HP1BP3: variants seen among roughly 807,000 people sequenced by gnomAD.
HP1BP3 encodes the protein heterochromatin protein 1 binding protein 3, also known as heterochromatin protein 1-binding protein 3.
HP1BP3 carries 12 observed loss-of-function variants against 62.5 expected under a neutral mutation model. The observed-to-expected ratio is 0.19, with a 90% CI of 0.12 to 0.31. HP1BP3 has a LOEUF of 0.31. Among genes scored for constraint, HP1BP3 ranks in the 10% least tolerant of loss-of-function variants. The probability of loss-of-function intolerance (pLI) is 1.00; values close to 1 mark genes in which losing one functional copy is unlikely to be tolerated. For missense variants in HP1BP3, 502 were observed against 651.8 expected (o/e 0.77, Z 2.50); for synonymous variants, 260 against 237.8 (o/e 1.09, Z -0.86).
In HP1BP3 at chr1:20,776,647, A is replaced by C; in HGVS notation, c.300T>G (p.Pro100=). The change falls in exon 4 of 13, where the codon CCT becomes CCG. Residue 100 remains proline (P), a synonymous_variant. Coordinates refer to ENST00000438032, the MANE Select transcript of HP1BP3 (RefSeq NM_001372052.1). ...TATTTTCTTCCTTCTCTTCATTCTC[A>C]GGTTCCCCCTTTGGCTGCTCTGCCT... ...SSEAEQPKGE[P]ENEEKEENKS... 1 of 1,613,694 alleles carries C rather than the reference A, an allele frequency of 6.2e-7. No homozygotes were observed. The highest frequency in any genetic ancestry group is 1.3e-5 in the African/African-American group (1 of 74,992).
chr1:20,758,132 C>T (rs950638039), intron 8 of HP1BP3, among the ~76,000 whole-genome samples: 3 of 151,990 alleles, frequency 2.0e-5, no homozygotes, highest in Admixed American at 1.3e-4. Flanking sequence ...GGCAACGGAG[C>T]AAGACTCTGT....
chr1:20,759,880 ATTT>A (rs71014104), intron 8 of HP1BP3, among the ~76,000 whole-genome samples: 11 of 113,000 alleles, frequency 9.7e-5, no homozygotes, highest in East Asian at 2.5e-4. Flanking sequence ...TTAAAGACCG[ATTT>A]TTTTTTTTTT....
In HP1BP3 at chr1:20,749,890, C is replaced by G. The variant is rs1463810270; in HGVS notation, c.982-8G>C. ...CTCCCCTGATTTCTTCAGCTGTTTT[C>G]CAAGGAGGAAGAGAAAAGCATCAAG... On this transcript the variant is annotated splice_polypyrimidine_tract_variant and splice_region_variant and intron_variant, in intron 9 of 12. Transcript: ENST00000438032. The G allele has an allele frequency of 6.2e-7, 1 of 1,609,774 alleles. No homozygotes were observed. Among genetic ancestry groups the G allele is most frequent in the Admixed American group, 1.7e-5 (1 of 59,600 alleles).
intron 8 of HP1BP3, among the ~76,000 whole-genome samples, chr1:20,764,553 T>C (rs2056666152): frequency 6.6e-6 from 1 of 151,188 alleles, no homozygotes; most frequent in Non-Finnish European, 1.5e-5. Flanking sequence ...GTAGAGTAAC[T>C]CTTTTAATGT....
At chr1:20,749,478 C>A (rs1335332175) in intron 10 of HP1BP3, among the ~76,000 whole-genome samples, 1 of 151,842 alleles carries the variant, frequency 6.6e-6, no homozygotes. Context: ...CCTGCCTCAG[C>A]CTCCCGAGTA....
chr1:20,746,958 G>A (rs541415831), intron 11 of HP1BP3, among the ~76,000 whole-genome samples: 124 of 152,304 alleles, frequency 8.1e-4, no homozygotes, highest in Non-Finnish European at 1.3e-3. Context: ...GGAGATTGCA[G>A]TGAGCCGAGA....
chr1:20,761,293 T>C (rs2056460537), intron 8 of HP1BP3, among the ~76,000 whole-genome samples: 1 of 152,108 alleles, frequency 6.6e-6, no homozygotes, highest in Non-Finnish European at 1.5e-5. Flanking sequence ...GTGATCCACC[T>C]GCCTCCCAAA....
At chr1:20,776,539 T>A (rs2057311839) in intron 4 of HP1BP3, 58 bp downstream of exon 4, 1 of 1,456,164 alleles carries the variant, frequency 6.9e-7, no homozygotes, top group African/African-American at 1.4e-5. Flanking sequence ...AACAATCTAA[T>A]CTAAAGTCCT....
intron 1 of HP1BP3, among the ~76,000 whole-genome samples, chr1:20,784,457 A>G (rs1051465986): frequency 1.3e-5 from 2 of 151,604 alleles, no homozygotes; most frequent in East Asian, 1.9e-4. Flanking sequence ...TGAACAAATA[A>G]AACTTATTTG....
At chr1:20,766,003 A>G (rs1161561361) in intron 7 of HP1BP3, among the ~76,000 whole-genome samples, 1 of 150,902 alleles carries the variant, frequency 6.6e-6, no homozygotes, top group African/African-American at 2.4e-5. Flanking sequence ...ACAAAACAAG[A>G]AAAAGGAGCC....
intron 8 of HP1BP3, among the ~76,000 whole-genome samples, chr1:20,759,593 C>A (rs1476832481): frequency 1.3e-5 from 2 of 152,172 alleles, no homozygotes; most frequent in African/African-American, 2.4e-5. Context: ...CATGCTGGCA[C>A]CCTGATCTCA....
At chr1:20,766,417 A>G (rs2056786505) in intron 7 of HP1BP3, among the ~76,000 whole-genome samples, 1 of 152,228 alleles carries the variant, frequency 6.6e-6, no homozygotes, top group Admixed American at 6.5e-5. Flanking sequence ...TGAAAAGTCT[A>G]TGAAAAAAGG....
At chr1:20,762,224 AT>A (rs1385281324) in intron 8 of HP1BP3, among the ~76,000 whole-genome samples, 1 of 152,208 alleles carries the variant, frequency 6.6e-6, no homozygotes, top group Non-Finnish European at 1.5e-5. Context: ...AATGGAAAAA[AT>A]TACCATTAAA....
At chr1:20,785,802 G>C (rs2057794818) in intron 1 of HP1BP3, among the ~76,000 whole-genome samples, 1 of 152,168 alleles carries the variant, frequency 6.6e-6, no homozygotes, top group African/African-American at 2.4e-5. Flanking sequence ...CTTCTATTTT[G>C]AAACAAATTA....
At chr1:20,746,428 T>C (rs2055339563) in intron 11 of HP1BP3, among the ~76,000 whole-genome samples, 1 of 152,152 alleles carries the variant, frequency 6.6e-6, no homozygotes, top group Admixed American at 6.5e-5. Flanking sequence ...AAAATTTATA[T>C]AATATGTATT....
At position 20,744,565 on chromosome 1, in the gene HP1BP3, G is replaced by A. The variant is rs1304803424; in HGVS notation, c.*232C>T. 2 of 498,114 alleles carry A rather than the reference G, an allele frequency of 4.0e-6. No homozygotes were observed. Among genetic ancestry groups the A allele is most frequent in the East Asian group, 3.6e-5 (1 of 27,962 alleles). 30.9% of individuals were successfully genotyped at this position (498,114 alleles called of 1,614,324 possible). ...GACAAGTATACATTACATAGTTTAG[G>A]AAAGTCCAGGATTATTGCAGAAATT... On this transcript the variant is annotated 3_prime_UTR_variant, in exon 13 of 13. Transcript: ENST00000438032.
chr1:20,767,598 ATTTCTGAGG>A lies in HP1BP3; in HGVS notation c.712_720del (p.Pro238_Lys240del), dbSNP rs2056848845. On this transcript the variant is annotated inframe_deletion, in exon 7 of 13. Transcript: ENST00000438032. Reference sequence around the variant, plus strand: ...AGATGTCTTACCTTTCTGTTTCTGGATTTCTGAGGTGTTTTTCTTGATTTCTGAACCACA... The same window carrying A: ...AGATGTCTTACCTTTCTGTTTCTGGATGTTTTTCTTGATTTCTGAACCACA... 6.2e-7 allele frequency: 1 copy of A among 1,609,496 alleles called. No homozygotes were observed. Among genetic ancestry groups the A allele is most frequent in the African/African-American group, 1.3e-5 (1 of 74,846 alleles).
At chr1:20,781,977 T>C (rs1232972959) in intron 1 of HP1BP3, among the ~76,000 whole-genome samples, 1 of 152,202 alleles carries the variant, frequency 6.6e-6, no homozygotes, top group Non-Finnish European at 1.5e-5. Context: ...TATTTTTACA[T>C]GCAAATATGA....
intron 1 of HP1BP3, among the ~76,000 whole-genome samples, chr1:20,784,116 C>G (rs193085984): frequency 6.6e-6 from 1 of 151,886 alleles, no homozygotes; most frequent in East Asian, 1.9e-4. Context: ...ACTACAGGCA[C>G]GCACCGCCAT....
Sources: gnomAD v4.1 joint callset for allele counts (sites outside exome capture counted in the v4.1 genomes callset) on GRCh38, gnomAD v4.1.1 for gene constraint, MANE v1.5 for transcripts, NCBI Gene and HGNC (gene_info 2026-07-23, HGNC 2026-07-21) for gene names.